ABCC6: variants seen among roughly 807,000 people sequenced by gnomAD.
The protein encoded by ABCC6 is ATP-binding cassette sub-family C member 6.
A neutral mutation model predicts 169.5 loss-of-function variants in ABCC6; 126 were observed. The observed-to-expected ratio is 0.74, with a 90% CI of 0.64 to 0.86. ABCC6 has a LOEUF of 0.86. Ranked by LOEUF, ABCC6 falls within the 40% of genes least tolerant of loss-of-function variation. The pLI is 0.00. For synonymous variants in ABCC6, 752 were observed against 814.7 expected, an observed-to-expected ratio of 0.92 and a Z score of 1.31; for missense variants, 1,733 against 1,927.2, an observed-to-expected ratio of 0.90 and a Z score of 1.89.
chr16:16,170,598 G>A (rs576892986), intron 21 of ABCC6, among the ~76,000 whole-genome samples: 9 of 152,134 alleles, frequency 5.9e-5, no homozygotes, highest in East Asian at 3.9e-4. Flanking sequence ...ATATCTTGTC[G>A]TTGGCCTGTC....
chr16:16,196,285 A>G (rs2048036179), intron 10 of ABCC6, among the ~76,000 whole-genome samples: 1 of 152,138 alleles, frequency 6.6e-6, no homozygotes, highest in Non-Finnish European at 1.5e-5. Context: ...GTCAGCATCC[A>G]TAAATAGAGT....
rs547172822 is a variant in ABCC6, at chr16:16,210,873, C to T, written c.662+1312G>A. On this transcript the variant is annotated intron_variant, in intron 6 of 30. Transcript: ENST00000205557. Reference sequence around the variant, plus strand: ...CTTTGGGAGGTCGAGTGGGGTAGATCACTTGAGGTCAGGAGTTTGAGACCA... The same window carrying T: ...CTTTGGGAGGTCGAGTGGGGTAGATTACTTGAGGTCAGGAGTTTGAGACCA... Among the ~76,000 whole-genome samples, 12 of 152,198 alleles carry T rather than the reference C, an allele frequency of 7.9e-5. No homozygotes were observed. The South Asian group carries it at 2.5e-3, about 32-fold the overall frequency.
chr16:16,157,579 G>T, intron 27 of ABCC6, 84 bp downstream of exon 27: 1 of 1,571,004 alleles, frequency 6.4e-7, no homozygotes. Flanking sequence ...TGTGGAGGTG[G>T]CTGGTGCCCA....
rs375273486 is a variant in ABCC6 at position 16,208,862 on chromosome 16, G to A, written c.663-3C>T. ...TCCTGTATCCCCTCCAGACCAGGCT[G>A]CAAAAGAGGGGCACCAGGGAAAGCT... On this transcript the variant is annotated splice_region_variant and splice_polypyrimidine_tract_variant and intron_variant, in intron 6 of 30. Coordinates refer to ENST00000205557, the MANE Select transcript of ABCC6 (RefSeq NM_001171.6). 970 of 1,613,334 alleles carry A rather than the reference G, an allele frequency of 6.0e-4. 7 individuals are homozygous for A. The African/African-American group carries it at 0.012, about 20-fold the overall frequency.
chr16:16,214,590 G>A (rs2048781224), intron 4 of ABCC6, 141 bp from the exon 5 acceptor site: 2 of 1,456,138 alleles, frequency 1.4e-6, no homozygotes, highest in African/African-American at 1.4e-5. Flanking sequence ...GGCTTTCCTA[G>A]TGGTTCTAAT....
At chr16:16,171,557 A>C (rs75492398) in intron 21 of ABCC6, among the ~76,000 whole-genome samples, 6,404 of 152,150 alleles carry the variant, frequency 0.042, 393 homozygotes, top group African/African-American at 0.13. Context: ...TGGGTGAATA[A>C]ATGAGCGGGT....
At chr16:16,205,300 T>C (rs530656616) in intron 7 of ABCC6, among the ~76,000 whole-genome samples, 2 of 152,296 alleles carry the variant, frequency 1.3e-5, no homozygotes, top group African/African-American at 4.8e-5. Context: ...CTCTGAGAGA[T>C]GGCGACAGCC....
intron 30 of ABCC6, 123 bp from the exon 31 acceptor site, chr16:16,150,364 C>A: frequency 6.5e-7 from 1 of 1,545,218 alleles, no homozygotes; most frequent in Non-Finnish European, 8.8e-7. Flanking sequence ...CATGCGGCTC[C>A]CTGGCCCTCA....
At chr16:16,195,114 T>A (rs1323479340) in intron 10 of ABCC6, among the ~76,000 whole-genome samples, 1 of 152,030 alleles carries the variant, frequency 6.6e-6, no homozygotes, top group Non-Finnish European at 1.5e-5. Flanking sequence ...ACTCAAGGAA[T>A]GTGAGCAGAA....
chr16:16,197,402 TGGA>T (rs921086986), intron 10 of ABCC6, among the ~76,000 whole-genome samples: 7 of 150,078 alleles, frequency 4.7e-5, no homozygotes, highest in South Asian at 4.2e-4. Flanking sequence ...GAGACAGGAT[TGGA>T]GGAGGAGGAG....
intron 15 of ABCC6, among the ~76,000 whole-genome samples, 156 bp from the exon 16 acceptor site, chr16:16,183,086 G>A (rs2047534564): frequency 6.6e-6 from 1 of 152,156 alleles, no homozygotes; most frequent in African/African-American, 2.4e-5. Flanking sequence ...CTAGCTATTT[G>A]AGGAACTATC....
chr16:16,159,581 C>T lies in ABCC6; in HGVS notation c.3636G>A (p.Val1212=). 1 of 1,614,110 alleles carries T rather than the reference C, an allele frequency of 6.2e-7. No homozygotes were observed. Among genetic ancestry groups the T allele is most frequent in the Non-Finnish European group, 8.5e-7 (1 of 1,179,956 alleles). Residue 1212 remains valine (V), a splice_region_variant and synonymous_variant, in exon 26 of 31, where the codon GTG becomes GTA. Coordinates refer to ENST00000205557, the MANE Select transcript of ABCC6 (RefSeq NM_001171.6). ...GAACAACCCACTGCAGTGTCTGGGT[C>T]ACCTGGTGCAAGAAAGCCTCTCTGG... ...VGFSVSAALQ[V]TQTLQWVVRN... is the part of the protein sequence containing the mutation.
At chr16:16,200,449 A>T (rs1273286281) in intron 9 of ABCC6, among the ~76,000 whole-genome samples, 1 of 149,232 alleles carries the variant, frequency 6.7e-6, no homozygotes, top group African/African-American at 2.5e-5. Context: ...AAAAAAAAAA[A>T]GCCCAGAGGT....
chr16:16,176,600 GGT>G (rs1196293184), intron 19 of ABCC6, among the ~76,000 whole-genome samples: 1 of 152,244 alleles, frequency 6.6e-6, no homozygotes, highest in African/African-American at 2.4e-5. Flanking sequence ...GTTTTAACCA[GGT>G]TGGGCCAGTG....
chr16:16,205,174 C>T lies in ABCC6; in HGVS notation c.795-1561G>A, dbSNP rs144111277. ...TTCAATCCCCATTACAGATCTGTGACCCGGGGCCACGTGCTGGGATCAGCT... is the reference window on the plus strand; with the variant it reads ...TTCAATCCCCATTACAGATCTGTGATCCGGGGCCACGTGCTGGGATCAGCT... On this transcript the variant is annotated intron_variant, in intron 7 of 30. Transcript: ENST00000205557. Among the ~76,000 whole-genome samples the T allele has an allele frequency of 2.6e-3, 389 of 152,210 alleles. 3 individuals carry two copies. Among genetic ancestry groups the T allele is most frequent in the African/African-American group, 8.8e-3 (364 of 41,534 alleles).
rs199913903 is a variant in ABCC6, at chr16:16,182,574, G to A, written c.2085C>T (p.Tyr695=). The change falls in exon 17 of 31, where the codon TAC becomes TAT. Residue 695 remains tyrosine (Y), a synonymous_variant. Coordinates refer to ENST00000205557, the MANE Select transcript of ABCC6 (RefSeq NM_001171.6). ...TCTGCACCCAGGCCTCCTGGGGCACGTAGGCCACAGCACCCTAAAACACAA... is the reference window on the plus strand; with the variant it reads ...TCTGCACCCAGGCCTCCTGGGGCACATAGGCCACAGCACCCTAAAACACAA... ...GFVSIEGAVA[Y]VPQEAWVQNT... The A allele has an allele frequency of 8.2e-5, 133 of 1,612,516 alleles. 2 individuals carry two copies. The South Asian group carries it at 1.1e-3, about 13-fold the overall frequency.
intron 21 of ABCC6, among the ~76,000 whole-genome samples, chr16:16,171,898 G>A (rs548443622): frequency 5.6e-4 from 27 of 48,638 alleles, no homozygotes; most frequent in Admixed American, 1.8e-3. Context: ...GGGATGGATG[G>A]ATAAATGAAT....
At chr16:16,187,959 C>T (rs1362669042) in intron 13 of ABCC6, among the ~76,000 whole-genome samples, 3 of 151,388 alleles carry the variant, frequency 2.0e-5, no homozygotes, top group South Asian at 2.1e-4. Context: ...CGGCCAGGCG[C>T]GGTGGCTCAT....
At chr16:16,206,982 A>T (rs886719352) in intron 7 of ABCC6, among the ~76,000 whole-genome samples, 85 of 152,284 alleles carry the variant, frequency 5.6e-4, no homozygotes, top group Non-Finnish European at 2.9e-5. Flanking sequence ...ACTAAAAAAA[A>T]TTTAAAAATC....
Sources: gnomAD v4.1 joint callset for allele counts (sites outside exome capture counted in the v4.1 genomes callset) on GRCh38, gnomAD v4.1.1 for gene constraint, MANE v1.5 for transcripts, NCBI Gene and HGNC (gene_info 2026-07-23, HGNC 2026-07-21) for gene names.